Variants in EPHA5 observed in about 807,000 individuals in gnomAD.
EPHA5 encodes EPH receptor A5.
Under a neutral mutation model 105.0 loss-of-function variants are expected in EPHA5, and 60 were observed. The ratio of observed to expected loss-of-function variants is 0.57; its 90% confidence interval spans 0.46 to 0.71. The LOEUF (loss-of-function observed/expected upper bound fraction) is 0.71. Ranked by LOEUF, EPHA5 falls within the 30% of genes least tolerant of loss-of-function variation. The pLI is 0.00. For missense variants in EPHA5, 1,218 were observed against 1,274.7 expected, an observed-to-expected ratio of 0.96 and a Z score of 0.68; for synonymous variants, 513 against 449.1, an observed-to-expected ratio of 1.14 and a Z score of -1.80.
rs111537275 is a variant in EPHA5, at chr4:65,324,035, C to CT, written c.*78dup. ...GAAATCACTGTTTTCCCTTTTCCCCCTTTTTTTGTTAAAATAAATCTCAGT... is the reference window on the plus strand; with the variant it reads ...GAAATCACTGTTTTCCCTTTTCCCCCTTTTTTTTGTTAAAATAAATCTCAGT... On this transcript the variant is annotated 3_prime_UTR_variant, in exon 17 of 17. Transcript: ENST00000613740. 0.089 allele frequency: 83,140 copies of CT among 937,128 alleles called. 4,145 individuals carry two copies. The highest frequency in any genetic ancestry group is 0.14 in the Middle Eastern group (625 of 4,546). The allele number at this position is 937,128 out of a possible 1,614,324, so 58.1% of individuals were successfully genotyped here.
At chr4:65,611,503 A>T (rs1250800460) in intron 2 of EPHA5, among the ~76,000 whole-genome samples, 1 of 147,224 alleles carries the variant, frequency 6.8e-6, no homozygotes, top group Non-Finnish European at 1.5e-5. Context: ...AATAAATACA[A>T]TTACACCCTT....
intron 3 of EPHA5, among the ~76,000 whole-genome samples, chr4:65,560,028 CA>C (rs1004510337): frequency 2.6e-5 from 4 of 151,912 alleles, no homozygotes; most frequent in Non-Finnish European, 5.9e-5. Context: ...CTCTCATTCA[CA>C]AAAAAAGGTT....
intron 11 of EPHA5, among the ~76,000 whole-genome samples, chr4:65,361,899 G>A (rs997460968): frequency 3.3e-5 from 5 of 151,466 alleles, no homozygotes; most frequent in Admixed American, 6.6e-5. Context: ...TCCACTGATG[G>A]TAGATGAAAT....
At chr4:65,506,401 T>G (rs943501646) in intron 3 of EPHA5, among the ~76,000 whole-genome samples, 7 of 145,856 alleles carry the variant, frequency 4.8e-5, no homozygotes, top group Non-Finnish European at 1.5e-5. Context: ...TATTTCTAGT[T>G]CTAGATCCCT....
At chr4:65,591,109 G>A (rs187856560) in intron 3 of EPHA5, among the ~76,000 whole-genome samples, 1 of 151,982 alleles carries the variant, frequency 6.6e-6, no homozygotes, top group Non-Finnish European at 1.5e-5. Flanking sequence ...TTATTAAGGT[G>A]ATGAAACAAG....
chr4:65,319,665 T>A lies in EPHA5; in HGVS notation c.*4449A>T, dbSNP rs2148765673. On this transcript the variant is annotated 3_prime_UTR_variant, in exon 17 of 17. Transcript: ENST00000613740. ...AACCAAATGCACATAAAGATTCAAATGAGAAAAAATACAGAAATCCTAATC... is the reference window on the plus strand; with the variant it reads ...AACCAAATGCACATAAAGATTCAAAAGAGAAAAAATACAGAAATCCTAATC... The A allele has an allele frequency of 4.5e-6, 1 of 222,878 alleles. No individual in the cohort carries two copies. Among genetic ancestry groups the A allele is most frequent in the East Asian group, 6.5e-5 (1 of 15,432 alleles). 13.8% of individuals were successfully genotyped at this position (222,878 alleles called of 1,614,324 possible).
At chr4:65,633,368 G>GA (rs75839110) in intron 2 of EPHA5, among the ~76,000 whole-genome samples, 8 of 150,162 alleles carry the variant, frequency 5.3e-5, no homozygotes, top group African/African-American at 2.0e-4. Flanking sequence ...AGGATGATAG[G>GA]AAAAAAAAGA....
chr4:65,518,956 C>T (rs1734391301), intron 3 of EPHA5, among the ~76,000 whole-genome samples: 1 of 152,066 alleles, frequency 6.6e-6, no homozygotes, highest in Non-Finnish European at 1.5e-5. Context: ...TCCTCCCTAA[C>T]TCATTTTATG....
chr4:65,335,549 T>A (rs994247349), intron 15 of EPHA5, among the ~76,000 whole-genome samples: 1 of 152,058 alleles, frequency 6.6e-6, no homozygotes, highest in Non-Finnish European at 1.5e-5. Context: ...TTGCTAGATA[T>A]CTCTGGTTTA....
At chr4:65,333,945 C>T (rs1577837464) in intron 15 of EPHA5, among the ~76,000 whole-genome samples, 1 of 151,648 alleles carries the variant, frequency 6.6e-6, no homozygotes, top group South Asian at 2.1e-4. Flanking sequence ...TTTCTCAAAA[C>T]CTATCATTGT....
intron 8 of EPHA5, 110 bp downstream of exon 8, chr4:65,404,264 A>G: frequency 1.3e-6 from 1 of 741,742 alleles, no homozygotes; most frequent in South Asian, 1.6e-5. Context: ...TTATCTGCTG[A>G]TATATTGCTT....
At chr4:65,563,426 T>A (rs1323920353) in intron 3 of EPHA5, among the ~76,000 whole-genome samples, 1 of 152,096 alleles carries the variant, frequency 6.6e-6, no homozygotes. Context: ...ACAAGTAGCT[T>A]CTGATTCTAA....
At chr4:65,410,963 A>G (rs1416323238) in intron 7 of EPHA5, among the ~76,000 whole-genome samples, 1 of 152,170 alleles carries the variant, frequency 6.6e-6, no homozygotes, top group Non-Finnish European at 1.5e-5. Context: ...AAATTATGTT[A>G]AAAGAAACCA....
intron 3 of EPHA5, among the ~76,000 whole-genome samples, chr4:65,530,738 T>C (rs1578349348): frequency 6.6e-6 from 1 of 152,172 alleles, no homozygotes; most frequent in East Asian, 1.9e-4. Flanking sequence ...CTTCTTAATA[T>C]AGGTATTATG....
At chr4:65,512,948 C>T (rs1227667388) in intron 3 of EPHA5, among the ~76,000 whole-genome samples, 1 of 152,036 alleles carries the variant, frequency 6.6e-6, no homozygotes, top group African/African-American at 2.4e-5. Flanking sequence ...TTTTAAAAGC[C>T]AGATGCGTGA....
At chr4:65,446,331 T>C (rs967385475) in intron 5 of EPHA5, among the ~76,000 whole-genome samples, 5 of 152,222 alleles carry the variant, frequency 3.3e-5, no homozygotes, top group Admixed American at 6.5e-5. Flanking sequence ...AACTTATTTG[T>C]TCATTTAATC....
intron 5 of EPHA5, among the ~76,000 whole-genome samples, chr4:65,440,338 G>T (rs891602925): frequency 4.6e-5 from 7 of 151,812 alleles, no homozygotes; most frequent in African/African-American, 1.7e-4. Flanking sequence ...AGAGAATATG[G>T]CCATAAAACA....
intron 5 of EPHA5, among the ~76,000 whole-genome samples, chr4:65,473,006 A>G (rs1729439553): frequency 6.6e-6 from 1 of 152,178 alleles, no homozygotes; most frequent in Admixed American, 6.5e-5. Context: ...TTCCAGTTTC[A>G]GATCATCTCT....
chr4:65,385,020 C>T (rs910045352), intron 8 of EPHA5, among the ~76,000 whole-genome samples: 4 of 151,588 alleles, frequency 2.6e-5, no homozygotes, highest in Non-Finnish European at 5.9e-5. Context: ...CATGATGAAC[C>T]TATTTGTGCT....
Sources: gnomAD v4.1 joint callset for allele counts (sites outside exome capture counted in the v4.1 genomes callset) on GRCh38, gnomAD v4.1.1 for gene constraint, MANE v1.5 for transcripts, NCBI Gene and HGNC (gene_info 2026-07-23, HGNC 2026-07-21) for gene names.